Variants in OST4 observed in about 807,000 individuals in gnomAD.
OST4 encodes the protein dolichyl-diphosphooligosaccharide--protein glycosyltransferase subunit 4.
In OST4, 3 loss-of-function variants were observed where a neutral mutation model predicts 2.1. That is an observed-to-expected ratio of 1.42 (90% CI 0.65 to 3.67). The LOEUF (loss-of-function observed/expected upper bound fraction) is 3.67, where lower values mean the gene tolerates loss of function less well. OST4 is among the 30% of genes most tolerant of loss of function. The probability of loss-of-function intolerance (pLI) is 0.03; values close to 1 mark genes in which losing one functional copy is unlikely to be tolerated. For synonymous variants in OST4, 23 were observed against 21.6 expected, an observed-to-expected ratio of 1.06 and a Z score of -0.18; for missense variants, 52 against 47.1, an observed-to-expected ratio of 1.10 and a Z score of -0.30.
At chr2:27,071,570 G>T in intron 1 of OST4, 31 bp downstream of exon 1, 3 of 791,160 alleles carry the variant, frequency 3.8e-6, no homozygotes, top group Non-Finnish European at 5.9e-6. Context: ...GGCGGGGCTG[G>T]CCCGTGGGAC....
rs1352133355 is a variant in OST4, at chr2:27,070,514, G to A, written c.*231C>T. On this transcript the variant is annotated 3_prime_UTR_variant, in exon 3 of 3. Transcript: ENST00000456793. ...AAAGTCTATATTTTTATATTGGGGGGAGGGAGTAGAAAAGCAAGCCCCTAT... is the reference window on the plus strand; with the variant it reads ...AAAGTCTATATTTTTATATTGGGGGAAGGGAGTAGAAAAGCAAGCCCCTAT... 6.3e-6 allele frequency: 3 copies of A among 477,214 alleles called. No homozygotes were observed. The highest frequency in any genetic ancestry group is 6.7e-5 in the East Asian group (2 of 29,822). The allele number at this position is 477,214 out of a possible 1,614,324, so 29.6% of individuals were successfully genotyped here. A position where few individuals can be genotyped will look rare whatever the true frequency, so the allele number is the denominator to read the frequency against.
rs1247507080 is a variant in OST4 at position 27,070,728 on chromosome 2, AAG to A, written c.*24-9_*24-8del. 3.8e-5 allele frequency: 6 copies of A among 158,124 alleles called. No individual in the cohort carries two copies. Among genetic ancestry groups the A allele is most frequent in the African/African-American group, 1.2e-4 (5 of 41,496 alleles). The allele number at this position is 158,124 out of a possible 1,614,324, so 9.8% of individuals were successfully genotyped here. A position where few individuals can be genotyped will look rare whatever the true frequency, so the allele number is the denominator to read the frequency against. ...CAGACTATGTCCTGGAACCCTAGAA[AAG>A]AGGGGGAAAGACCTGAGGTAAGGAA... On this transcript the variant is annotated splice_region_variant and splice_polypyrimidine_tract_variant and intron_variant, in intron 2 of 2. Transcript: ENST00000456793.
chr2:27,070,483 CAA>C lies in OST4; in HGVS notation c.*260_*261del, dbSNP rs1474092972. 3 of 508,852 alleles carry C rather than the reference CAA, an allele frequency of 5.9e-6. No individual in the cohort carries two copies. Among genetic ancestry groups the C allele is most frequent in the African/African-American group, 1.9e-5 (1 of 52,056 alleles). 31.5% of individuals were successfully genotyped at this position (508,852 alleles called of 1,614,324 possible). ...TCCGCAGCACAAGATTTTGGGACCA[CAA>C]AAAAAAGTCTATATTTTTATATTGG... On this transcript the variant is annotated 3_prime_UTR_variant, in exon 3 of 3. Coordinates refer to ENST00000456793, the MANE Select transcript of OST4 (RefSeq NM_001134693.2).
chr2:27,070,913 A>C (rs1669251930), intron 2 of OST4, among the ~76,000 whole-genome samples, 192 bp from the exon 3 acceptor site: 1 of 152,176 alleles, frequency 6.6e-6, no homozygotes, highest in Non-Finnish European at 1.5e-5. Flanking sequence ...ACATGGAAAC[A>C]GAATTCTACA....
intron 2 of OST4, 69 bp downstream of exon 2, chr2:27,071,256 AC>A: frequency 1.0e-6 from 1 of 955,770 alleles, no homozygotes; most frequent in Non-Finnish European, 1.6e-6. Context: ...TAAGTTTCGA[AC>A]CCTGCTAGCC....
Position 27,071,600 on chromosome 2 carries a change from C to A in OST4, c.-2+1G>T. On this transcript the variant is annotated splice_donor_variant, in intron 1 of 2. Transcript: ENST00000456793. LOFTEE classifies it low-confidence loss of function (5UTR_SPLICE). Reference sequence around the variant, plus strand: ...TGGGACGGCCCCTGCGTGCCTCTGACCTGACCAGTCCGGCTCGGCTCCGAC... The same window carrying A: ...TGGGACGGCCCCTGCGTGCCTCTGAACTGACCAGTCCGGCTCGGCTCCGAC... 1.7e-6 allele frequency: 1 copy of A among 599,698 alleles called. No homozygotes were observed. Among genetic ancestry groups the A allele is most frequent in the South Asian group, 2.1e-5 (1 of 47,920 alleles). The allele number at this position is 599,698 out of a possible 1,614,324, so 37.1% of individuals were successfully genotyped here.
At chr2:27,071,281 G>T in intron 2 of OST4, 45 bp downstream of exon 2, 3 of 1,297,048 alleles carry the variant, frequency 2.3e-6, no homozygotes, top group Non-Finnish European at 2.2e-6. Flanking sequence ...GCGCGGCCTC[G>T]CCACTCAGCT....
chr2:27,071,403 CAAG>C lies in OST4; in HGVS notation c.57_59del (p.Phe19del), dbSNP rs1669268079. On this transcript the variant is annotated inframe_deletion, in exon 2 of 3. Transcript: ENST00000456793. ...CCACGTAGTGATAGAGAACGACAAG[CAAG>C]AAGAGCGACACGCCCAGCATGTTGG... 1 of 1,551,726 alleles carries C rather than the reference CAAG, an allele frequency of 6.4e-7. No individual in the cohort carries two copies.
At position 27,071,442 on chromosome 2, in the gene OST4, G is replaced by C; in HGVS notation, c.21C>G (p.Leu7=). Residue 7 remains leucine, a synonymous_variant, in exon 2 of 3, where the codon CTC becomes CTG. Coordinates refer to ENST00000456793, the MANE Select transcript of OST4 (RefSeq NM_001134693.2). ...CGCCCAGCATGTTGGCGAAGATGGC[G>C]AGCTGCACGTCCGTGATCATCCTGC... MITDVQ[L]AIFANMLGVS... The C allele has an allele frequency of 6.4e-7, 1 of 1,551,548 alleles. No homozygotes were observed.
intron 2 of OST4, among the ~76,000 whole-genome samples, chr2:27,070,951 C>A (rs1308794037): frequency 6.6e-6 from 1 of 152,212 alleles, no homozygotes; most frequent in East Asian, 1.9e-4. Flanking sequence ...CAAAAAAAAT[C>A]TGCCCAAATA....
In OST4 at chr2:27,070,548, C is replaced by A; in HGVS notation, c.*197G>T. On this transcript the variant is annotated 3_prime_UTR_variant, in exon 3 of 3. Coordinates refer to ENST00000456793, the MANE Select transcript of OST4 (RefSeq NM_001134693.2). ...GAAAAGCAAGCCCCTATACTGGGCC[C>A]TATTCAGTGGCAGCTTCTTGTTCCA... The A allele has an allele frequency of 2.8e-6, 1 of 355,044 alleles. No individual in the cohort carries two copies. Among genetic ancestry groups the A allele is most frequent in the East Asian group, 4.6e-5 (1 of 21,602 alleles). The allele number at this position is 355,044 out of a possible 1,614,324, so 22.0% of individuals were successfully genotyped here. A position where few individuals can be genotyped will look rare whatever the true frequency, so the allele number is the denominator to read the frequency against.
rs532815797 is a variant in OST4, at chr2:27,070,483, C to T, written c.*262G>A. The T allele has an allele frequency of 6.5e-5, 33 of 508,968 alleles. No homozygotes were observed. The highest frequency in any genetic ancestry group is 5.7e-4 in the African/African-American group (30 of 52,176). The allele number at this position is 508,968 out of a possible 1,614,324, so 31.5% of individuals were successfully genotyped here. ...TCCGCAGCACAAGATTTTGGGACCA[C>T]AAAAAAAAGTCTATATTTTTATATT... On this transcript the variant is annotated 3_prime_UTR_variant, in exon 3 of 3. Transcript: ENST00000456793.
intron 1 of OST4, 31 bp from the exon 2 acceptor site, chr2:27,071,494 C>A (rs1206461822): frequency 1.3e-6 from 2 of 1,514,656 alleles, no homozygotes; most frequent in Admixed American, 2.0e-5. Context: ...GAGCTGCGGG[C>A]TGGCGCACTC....
rs1397520038 is a variant in OST4, at chr2:27,071,376, G to A, written c.87C>T (p.Ala29=). 1 of 1,551,672 alleles carries A rather than the reference G, an allele frequency of 6.4e-7. No homozygotes were observed. The highest frequency in any genetic ancestry group is 8.7e-7 in the Non-Finnish European group (1 of 1,146,934). Residue 29 remains alanine, a synonymous_variant, in exon 2 of 3, where the codon GCC becomes GCT. Coordinates refer to ENST00000456793, the MANE Select transcript of OST4 (RefSeq NM_001134693.2). ...FLLVVLYHYV[A]VNNPKKQE ...ATTCCTGCTTCTTGGGATTGTTGAC[G>A]GCCACGTAGTGATAGAGAACGACAA...
At chr2:27,070,905 A>G (rs1669251551) in intron 2 of OST4, among the ~76,000 whole-genome samples, 184 bp from the exon 3 acceptor site, 1 of 152,130 alleles carries the variant, frequency 6.6e-6, no homozygotes, top group Admixed American at 6.5e-5. Context: ...GCCTCAGAAC[A>G]TGGAAACAGA....
At position 27,070,535 on chromosome 2, in the gene OST4, C is replaced by T. The variant is rs1558428223; in HGVS notation, c.*210G>A. 2.3e-6 allele frequency: 1 copy of T among 430,890 alleles called. No homozygotes were observed. Among genetic ancestry groups the T allele is most frequent in the Non-Finnish European group, 4.2e-6 (1 of 237,688 alleles). 26.7% of individuals were successfully genotyped at this position (430,890 alleles called of 1,614,324 possible). On this transcript the variant is annotated 3_prime_UTR_variant, in exon 3 of 3. Coordinates refer to ENST00000456793, the MANE Select transcript of OST4 (RefSeq NM_001134693.2). ...GGGGGAGGGAGTAGAAAAGCAAGCCCCTATACTGGGCCCTATTCAGTGGCA... is the reference window on the plus strand; with the variant it reads ...GGGGGAGGGAGTAGAAAAGCAAGCCTCTATACTGGGCCCTATTCAGTGGCA...
chr2:27,071,382 G>A lies in OST4; in HGVS notation c.81C>T (p.Tyr27=), dbSNP rs1669267412. The A allele has an allele frequency of 6.4e-7, 1 of 1,551,698 alleles. No individual in the cohort carries two copies. Among genetic ancestry groups the A allele is most frequent in the East Asian group, 2.4e-5 (1 of 40,920 alleles). The part of the protein sequence containing the change: ...SLFLLVVLYH[Y]VAVNNPKKQE Reference sequence around the variant, plus strand: ...GCTTCTTGGGATTGTTGACGGCCACGTAGTGATAGAGAACGACAAGCAAGA... The same window carrying A: ...GCTTCTTGGGATTGTTGACGGCCACATAGTGATAGAGAACGACAAGCAAGA... The change falls in exon 2 of 3, where the codon TAC becomes TAT. Residue 27 remains tyrosine (Y), a synonymous_variant. Transcript: ENST00000456793.
At chr2:27,071,162 G>A (rs1669260498) in intron 2 of OST4, among the ~76,000 whole-genome samples, 164 bp downstream of exon 2, 1 of 152,158 alleles carries the variant, frequency 6.6e-6, no homozygotes, top group South Asian at 2.1e-4. Flanking sequence ...ACGGGGAGAG[G>A]ACAGCGCGCT....
At position 27,071,623 on chromosome 2, in the gene OST4, G is replaced by A. The variant is rs963140397; in HGVS notation, c.-24C>T. On this transcript the variant is annotated 5_prime_UTR_variant, in exon 1 of 3. Coordinates refer to ENST00000456793, the MANE Select transcript of OST4 (RefSeq NM_001134693.2). ...GACCTGACCAGTCCGGCTCGGCTCC[G>A]ACGCCACCAGCGAACAAGCCCGAAG... 2 of 535,302 alleles carry A rather than the reference G, an allele frequency of 3.7e-6. No individual in the cohort carries two copies. The highest frequency in any genetic ancestry group is 3.7e-5 in the Admixed American group (1 of 27,252). The allele number at this position is 535,302 out of a possible 1,614,324, so 33.2% of individuals were successfully genotyped here.
Sources: allele counts gnomAD v4.1 joint callset (sites outside exome capture counted in the v4.1 genomes callset), GRCh38; gene constraint gnomAD v4.1.1; transcripts MANE v1.5; gene names NCBI Gene and HGNC (gene_info 2026-07-23, HGNC 2026-07-21).